The following MYO9B variants were observed in gnomAD, a reference collection of about 807,000 sequenced individuals.
MYO9B encodes myosin IXB.
Under a neutral mutation model 229.5 loss-of-function variants are expected in MYO9B, and 71 were observed. That is an observed-to-expected ratio of 0.31 (90% CI 0.26 to 0.38). The LOEUF (loss-of-function observed/expected upper bound fraction) is 0.38, where lower values mean the gene tolerates loss of function less well. Among genes scored for constraint, MYO9B ranks in the 10% least tolerant of loss-of-function variants. MYO9B has a pLI of 1.00. For synonymous variants in MYO9B, 1,185 were observed against 1,235.8 expected (o/e 0.96, Z 0.86); for missense variants, 2,255 against 2,920.5 (o/e 0.77, Z 5.25).
intron 36 of MYO9B, among the ~76,000 whole-genome samples, chr19:17,209,977 C>T (rs2073207686): frequency 6.6e-6 from 1 of 152,158 alleles, no homozygotes; most frequent in African/African-American, 2.4e-5. Context: ...GCCACCAGGC[C>T]CTGCAGGTAG....
chr19:17,121,444 AATAT>A (rs59741893), intron 2 of MYO9B, among the ~76,000 whole-genome samples: 1 of 142,594 alleles, frequency 7.0e-6, no homozygotes, highest in Admixed American at 6.9e-5. Context: ...ATGTATTCCA[AATAT>A]ATATATATAT....
Position 17,195,432 on chromosome 19 carries a change from C to T in MYO9B, c.4005C>T (p.Ser1335=), listed in dbSNP as rs769714531. The T allele has an allele frequency of 6.8e-6, 11 of 1,605,840 alleles. No homozygotes were observed. Among genetic ancestry groups the T allele is most frequent in the African/African-American group, 4.0e-5 (3 of 74,882 alleles). ...SAMLSQSLDL[S]DRHRATGAAL... ...TGCTCAGCCAGTCCCTGGACCTCAG[C>T]GACAGACACCGGGCCACAGGGGCCG... is the stretch of plus-strand genomic sequence containing the variant. The change falls in exon 22 of 40, where the codon AGC becomes AGT. Residue 1335 remains serine (S), a synonymous_variant. Coordinates refer to ENST00000682292, the MANE Select transcript of MYO9B (RefSeq NM_004145.4). The surrounding 1 kb of genome is among the most constrained non-coding windows in gnomAD (Gnocchi z 4.5).
In MYO9B at chr19:17,185,960, G is replaced by C; in HGVS notation, c.2536G>C (p.Glu846Gln). The change falls in exon 18 of 40, where the codon GAG becomes CAG. Residue 846 changes from glutamate (E) to glutamine (Q), a missense_variant. Coordinates refer to ENST00000682292, the MANE Select transcript of MYO9B (RefSeq NM_004145.4). ...NKLLEALGKA[E>Q]PFFIRCIRSN... is the part of the protein sequence containing the mutation. ...GCTCTTGGAGGCACTGGGGAAGGCGGAGCCCTTCTTTATCCGCTGCATCCG... is the reference window on the plus strand; with the variant it reads ...GCTCTTGGAGGCACTGGGGAAGGCGCAGCCCTTCTTTATCCGCTGCATCCG... The C allele has an allele frequency of 6.2e-7, 1 of 1,613,976 alleles. No individual in the cohort carries two copies. Among genetic ancestry groups the C allele is most frequent in the Admixed American group, 1.7e-5 (1 of 60,028 alleles).
At chr19:17,198,370 C>T in intron 24 of MYO9B, 62 bp downstream of exon 24, 1 of 1,601,138 alleles carries the variant, frequency 6.2e-7, no homozygotes, top group Non-Finnish European at 8.5e-7. Context: ...CCTGCCAGGG[C>T]CTCGCAGCAG....
intron 3 of MYO9B, among the ~76,000 whole-genome samples, chr19:17,150,370 T>G (rs574064202): frequency 6.6e-6 from 1 of 150,718 alleles, no homozygotes; most frequent in African/African-American, 2.4e-5. Flanking sequence ...ATCATGCCAC[T>G]GCACCCCAGC....
At chr19:17,201,098 T>C (rs902121201) in intron 26 of MYO9B, among the ~76,000 whole-genome samples, 2 of 151,874 alleles carry the variant, frequency 1.3e-5, no homozygotes, top group African/African-American at 4.8e-5. Context: ...TTAGCTGGAG[T>C]GGTGGTGCAC....
At chr19:17,140,557 C>T (rs1213316189) in intron 2 of MYO9B, among the ~76,000 whole-genome samples, 1 of 151,794 alleles carries the variant, frequency 6.6e-6, no homozygotes, top group East Asian at 2.0e-4. Flanking sequence ...GGCACGATCT[C>T]GGCTCACCGC....
chr19:17,170,853 G>C (rs1332260215), intron 11 of MYO9B, among the ~76,000 whole-genome samples: 1 of 102,374 alleles, frequency 9.8e-6, no homozygotes, highest in Non-Finnish European at 2.1e-5. Context: ...AAAAAAAGTA[G>C]AGACGGCAGT....
chr19:17,170,654 A>AAAAG (rs2072713360), intron 11 of MYO9B, among the ~76,000 whole-genome samples: 1 of 26,524 alleles, frequency 3.8e-5, no homozygotes. Flanking sequence ...CTACAAAAAA[A>AAAAG]AAAAAAAAAA....
At chr19:17,110,016 C>A (rs918155989) in intron 2 of MYO9B, among the ~76,000 whole-genome samples, 1 of 152,206 alleles carries the variant, frequency 6.6e-6, no homozygotes, top group South Asian at 2.1e-4. Flanking sequence ...TGAGCCCCAG[C>A]CCCCCGTTCA....
In MYO9B at chr19:17,101,907, G is replaced by A. The variant is rs751409093; in HGVS notation, c.190G>A (p.Val64Met). ...GCGGCTGGACGGCACCAAATGTTATGTGCTGGTGGAGGTCAAAGAGTCGGG... is the reference window on the plus strand; with the variant it reads ...GCGGCTGGACGGCACCAAATGTTATATGCTGGTGGAGGTCAAAGAGTCGGG... ...SLRLDGTKCY[V>M]LVEVKESGGE... is the part of the protein sequence containing the mutation. Residue 64 changes from valine to methionine, a missense_variant, in exon 2 of 40, where the codon GTG becomes ATG. Physicochemically the swap from Val to Met is conservative, Grantham distance 21. Transcript: ENST00000682292. The surrounding 1 kb of genome is among the most constrained non-coding windows in gnomAD (Gnocchi z 4.7). The A allele has an allele frequency of 6.8e-6, 11 of 1,613,642 alleles. No homozygotes were observed. Among genetic ancestry groups the A allele is most frequent in the Non-Finnish European group, 9.3e-6 (11 of 1,179,834 alleles).
At chr19:17,202,651 C>T (rs569400776) in intron 28 of MYO9B, among the ~76,000 whole-genome samples, 191 bp from the exon 29 acceptor site, 1 of 152,318 alleles carries the variant, frequency 6.6e-6, no homozygotes, top group East Asian at 1.9e-4. Flanking sequence ...TGGTGGGGAG[C>T]CCTGCACCCT....
chr19:17,091,966 G>A (rs1449678823), intron 1 of MYO9B, among the ~76,000 whole-genome samples: 10 of 152,208 alleles, frequency 6.6e-5, no homozygotes, highest in Admixed American at 5.9e-4. Flanking sequence ...GCCCCCACAG[G>A]CTTTGTTCCC....
intron 2 of MYO9B, among the ~76,000 whole-genome samples, chr19:17,109,443 C>T (rs1344084509): frequency 1.3e-5 from 2 of 152,194 alleles, no homozygotes; most frequent in Non-Finnish European, 2.9e-5. Flanking sequence ...CCTCCATCAT[C>T]TCTAATCCCT....
At chr19:17,208,413 C>T (rs183680513) in intron 35 of MYO9B, among the ~76,000 whole-genome samples, 3 of 150,192 alleles carry the variant, frequency 2.0e-5, no homozygotes, top group South Asian at 4.2e-4. Flanking sequence ...ATGAGCACAC[C>T]CCATTGTACT....
chr19:17,160,168 TTAGCCCCTCACCC>T (rs1202098710), intron 8 of MYO9B, among the ~76,000 whole-genome samples: 14 of 152,198 alleles, frequency 9.2e-5, no homozygotes, highest in African/African-American at 3.4e-4. Context: ...GCAGGGATTT[TTAGCCCCTCACCC>T]GATGGGAAGC....
intron 2 of MYO9B, among the ~76,000 whole-genome samples, chr19:17,114,435 A>G (rs1259032460): frequency 6.6e-6 from 1 of 151,802 alleles, no homozygotes; most frequent in East Asian, 1.9e-4. Flanking sequence ...CTCACCCACG[A>G]TCAGGCATGT....
intron 3 of MYO9B, among the ~76,000 whole-genome samples, chr19:17,150,407 C>CAA (rs1210665341): frequency 6.7e-5 from 8 of 120,182 alleles, no homozygotes; most frequent in African/African-American, 1.8e-4. Context: ...GACTCCGTCT[C>CAA]AAAAAAAAAA....
Position 17,157,934 on chromosome 19 carries a change from T to C in MYO9B, c.1329+896T>C, listed in dbSNP as rs79652316. Among the ~76,000 whole-genome samples the C allele has an allele frequency of 8.9e-3, 1,348 of 152,234 alleles. 18 individuals are homozygous for C. The highest frequency in any genetic ancestry group is 0.03 in the African/African-American group (1,263 of 41,546). ...GATCAAGTCATTTTCTCATTGGACC[T>C]GCCATCCCCTCCTCCTCCACCGGTT... is the stretch of plus-strand genomic sequence containing the variant. On this transcript the variant is annotated intron_variant, in intron 7 of 39. Transcript: ENST00000682292.
Sources: allele counts gnomAD v4.1 joint callset (sites outside exome capture counted in the v4.1 genomes callset), GRCh38; gene constraint gnomAD v4.1.1; non-coding constraint Gnocchi (gnomAD v3.1); transcripts MANE v1.5; gene names NCBI Gene and HGNC (gene_info 2026-07-23, HGNC 2026-07-21).